SH3GL2: variants seen among roughly 807,000 people sequenced by gnomAD.
SH3GL2 encodes the protein endophilin-A1.
Under a neutral mutation model 46.0 loss-of-function variants are expected in SH3GL2, and 24 were observed. That is an observed-to-expected ratio of 0.52 (90% CI 0.38 to 0.73). The LOEUF is 0.73. Ranked by LOEUF, SH3GL2 falls within the 30% of genes least tolerant of loss-of-function variation. The pLI is 0.00. For missense variants in SH3GL2, 413 were observed against 424.2 expected, an observed-to-expected ratio of 0.97 and a Z score of 0.23; for synonymous variants, 196 against 147.1, an observed-to-expected ratio of 1.33 and a Z score of -2.40.
At chr9:17,683,158 C>G (rs1419225594) in intron 1 of SH3GL2, among the ~76,000 whole-genome samples, 2 of 152,022 alleles carry the variant, frequency 1.3e-5, no homozygotes, top group Non-Finnish European at 2.9e-5. Flanking sequence ...AAGAAAAAGA[C>G]TGAGTTATGT....
intron 1 of SH3GL2, among the ~76,000 whole-genome samples, chr9:17,655,847 C>A (rs1820062417): frequency 6.6e-6 from 1 of 152,306 alleles, no homozygotes; most frequent in East Asian, 1.9e-4. Context: ...CATCTGGAAC[C>A]AGCCTGATGC....
At chr9:17,602,105 T>C (rs1159784394) in intron 1 of SH3GL2, among the ~76,000 whole-genome samples, 1 of 152,224 alleles carries the variant, frequency 6.6e-6, no homozygotes, top group African/African-American at 2.4e-5. Flanking sequence ...TATTGGGTTC[T>C]ATGACTTAAA....
intron 1 of SH3GL2, among the ~76,000 whole-genome samples, chr9:17,649,617 C>T (rs570870013): frequency 7.2e-5 from 11 of 152,308 alleles, no homozygotes; most frequent in African/African-American, 2.6e-4. Flanking sequence ...GCCTATTTAA[C>T]TTACACAAGG....
chr9:17,755,382 G>A (rs981662415), intron 2 of SH3GL2, among the ~76,000 whole-genome samples: 2 of 152,168 alleles, frequency 1.3e-5, no homozygotes, highest in Non-Finnish European at 2.9e-5. Flanking sequence ...TCTGGATTTG[G>A]TTTGCCAGCA....
intron 1 of SH3GL2, among the ~76,000 whole-genome samples, chr9:17,710,226 G>T (rs1260041820): frequency 6.6e-6 from 1 of 151,870 alleles, no homozygotes; most frequent in Non-Finnish European, 1.5e-5. Context: ...ATTTCTTCTT[G>T]CTGCTGCCAT....
intron 7 of SH3GL2, among the ~76,000 whole-genome samples, chr9:17,792,807 C>T (rs935545733): frequency 1.3e-5 from 2 of 152,222 alleles, no homozygotes; most frequent in African/African-American, 4.8e-5. Flanking sequence ...GTTCCTGTGG[C>T]ACTTTGTAGA....
At chr9:17,642,357 A>C (rs1199592842) in intron 1 of SH3GL2, among the ~76,000 whole-genome samples, 1 of 152,238 alleles carries the variant, frequency 6.6e-6, no homozygotes, top group South Asian at 2.1e-4. Context: ...GAAGCTCTTT[A>C]ATTAGATCCC....
At chr9:17,601,338 A>G (rs1049879860) in intron 1 of SH3GL2, among the ~76,000 whole-genome samples, 9 of 151,998 alleles carry the variant, frequency 5.9e-5, no homozygotes. Flanking sequence ...TTGAGAGGGT[A>G]TTTTTAGACT....
chr9:17,603,607 T>C lies in SH3GL2; in HGVS notation c.45+24320T>C, dbSNP rs574537086. ...TGGGCGTGGTGGCTCACTCCTGTAA[T>C]CCCAGCACTTTGGGAGGTCAAAGCC... On this transcript the variant is annotated intron_variant, in intron 1 of 8. Coordinates refer to ENST00000380607, the MANE Select transcript of SH3GL2 (RefSeq NM_003026.5). Among the ~76,000 whole-genome samples the C allele has an allele frequency of 2.0e-5, 3 of 152,218 alleles. No individual in the cohort carries two copies. In the South Asian group the frequency reaches 6.2e-4, roughly 32 times the overall value.
intron 2 of SH3GL2, among the ~76,000 whole-genome samples, chr9:17,757,489 G>A (rs1224906958): frequency 6.6e-6 from 1 of 152,096 alleles, no homozygotes. Context: ...TCAAAAAGTG[G>A]GCGAAGGATA....
At chr9:17,707,588 C>T (rs952967233) in intron 1 of SH3GL2, among the ~76,000 whole-genome samples, 2 of 152,042 alleles carry the variant, frequency 1.3e-5, no homozygotes, top group Non-Finnish European at 2.9e-5. Context: ...ACTTTGTGAA[C>T]TTGTGGTATT....
intron 1 of SH3GL2, among the ~76,000 whole-genome samples, chr9:17,614,352 G>T (rs1269631152): frequency 7.7e-6 from 1 of 129,466 alleles, no homozygotes; most frequent in Non-Finnish European, 1.6e-5. Flanking sequence ...TTGGAAATTA[G>T]CATAGCTAGG....
chr9:17,652,636 G>A (rs1283303197), intron 1 of SH3GL2, among the ~76,000 whole-genome samples: 1 of 152,100 alleles, frequency 6.6e-6, no homozygotes, highest in African/African-American at 2.4e-5. Flanking sequence ...ATCCAAAAAT[G>A]TAAAATCCAG....
intron 3 of SH3GL2, among the ~76,000 whole-genome samples, chr9:17,775,018 G>C (rs547163966): frequency 6.6e-6 from 1 of 152,214 alleles, no homozygotes; most frequent in African/African-American, 2.4e-5. Context: ...GGTAGGTTTT[G>C]TGTTTCTAAG....
At chr9:17,653,350 T>C (rs1248319216) in intron 1 of SH3GL2, among the ~76,000 whole-genome samples, 2 of 152,198 alleles carry the variant, frequency 1.3e-5, no homozygotes, top group Non-Finnish European at 1.5e-5. Context: ...TCCCATCTGT[T>C]TACTTTCCTC....
rs1034176378 is a variant in SH3GL2, at chr9:17,601,423, T to TC, written c.45+22137dup. On this transcript the variant is annotated intron_variant, in intron 1 of 8. Transcript: ENST00000380607. ...TCATGTTTCCGTTTTTGGTGGTTTT[T>TC]CTTTAAAGGATGAAGGCTGGATTAA... 5.2e-4 allele frequency among the ~76,000 whole-genome samples: 79 copies of TC among 152,312 alleles called. 2 individuals are homozygous for TC. Among genetic ancestry groups the TC allele is most frequent in the Admixed American group, 4.6e-3 (71 of 15,294 alleles).
At chr9:17,791,914 A>T (rs903787513) in intron 7 of SH3GL2, among the ~76,000 whole-genome samples, 1 of 152,254 alleles carries the variant, frequency 6.6e-6, no homozygotes, top group Non-Finnish European at 1.5e-5. Flanking sequence ...GGGCTGTAGT[A>T]GTAGGAAACT....
At chr9:17,662,428 G>T (rs1438342505) in intron 1 of SH3GL2, among the ~76,000 whole-genome samples, 1 of 152,168 alleles carries the variant, frequency 6.6e-6, no homozygotes, top group Non-Finnish European at 1.5e-5. Flanking sequence ...CAGTAGCAGA[G>T]TCTGTCATCA....
intron 1 of SH3GL2, among the ~76,000 whole-genome samples, chr9:17,633,059 T>A (rs1819468684): frequency 6.6e-6 from 1 of 152,220 alleles, no homozygotes; most frequent in African/African-American, 2.4e-5. Flanking sequence ...TTTCCTCTCC[T>A]GGGTCAGCCA....
Sources: allele counts gnomAD v4.1 joint callset (sites outside exome capture counted in the v4.1 genomes callset), GRCh38; gene constraint gnomAD v4.1.1; transcripts MANE v1.5; gene names NCBI Gene and HGNC (gene_info 2026-07-23, HGNC 2026-07-21).